Variants in CLSTN2 observed in about 807,000 individuals in gnomAD.
The protein encoded by CLSTN2 is calsyntenin-2.
CLSTN2 carries 48 observed loss-of-function variants against 101.2 expected under a neutral mutation model. That is an observed-to-expected ratio of 0.47 (90% confidence interval 0.38 to 0.60). The LOEUF (loss-of-function observed/expected upper bound fraction) is 0.60, where lower values mean the gene tolerates loss of function less well. CLSTN2 is among the 20% of genes least tolerant of loss of function. CLSTN2 has a pLI of 0.00. For missense variants in CLSTN2, 1,160 were observed against 1,238.2 expected, an observed-to-expected ratio of 0.94 and a Z score of 0.95; for synonymous variants, 481 against 463.6, an observed-to-expected ratio of 1.04 and a Z score of -0.48.
chr3:139,958,458 C>T (rs747659039), intron 1 of CLSTN2, among the ~76,000 whole-genome samples: 8 of 152,142 alleles, frequency 5.3e-5, no homozygotes, highest in Non-Finnish European at 8.8e-5. Context: ...GCACACCATG[C>T]ATTTCTGTAC....
intron 9 of CLSTN2, among the ~76,000 whole-genome samples, chr3:140,536,001 G>GT (rs1266813117): frequency 7.3e-6 from 1 of 136,498 alleles, no homozygotes; most frequent in Non-Finnish European, 1.6e-5. Flanking sequence ...AGAATGCTGC[G>GT]TTCCCCTTAC....
At chr3:140,393,858 C>G (rs947425851) in intron 2 of CLSTN2, among the ~76,000 whole-genome samples, 2 of 152,154 alleles carry the variant, frequency 1.3e-5, no homozygotes, top group African/African-American at 4.8e-5. Context: ...TTAAAATGCT[C>G]TCTTGGCAAA....
At position 140,137,160 on chromosome 3, in the gene CLSTN2, G is replaced by A. The variant is rs192480564; in HGVS notation, c.110-38791G>A. Among the ~76,000 whole-genome samples the A allele has an allele frequency of 1.4e-4, 22 of 152,280 alleles. No individual in the cohort carries two copies. In the East Asian group the frequency reaches 4.1e-3, roughly 28 times the overall value. On this transcript the variant is annotated intron_variant, in intron 1 of 16. Transcript: ENST00000458420. ...TGGTGAGGGATACTCCTGTTATCAG[G>A]AACAAAGAGAATTCTATCTTTCTCC...
intron 8 of CLSTN2, among the ~76,000 whole-genome samples, chr3:140,504,172 G>A (rs565136385): frequency 3.3e-5 from 5 of 152,268 alleles, no homozygotes; most frequent in East Asian, 1.9e-4. Flanking sequence ...GGAGCAGGGC[G>A]CCTGATACAT....
chr3:140,014,337 A>G (rs1232688555), intron 1 of CLSTN2, among the ~76,000 whole-genome samples: 1 of 151,738 alleles, frequency 6.6e-6, no homozygotes, highest in Non-Finnish European at 1.5e-5. Context: ...TATGCCTCAG[A>G]CTCTCCAGAA....
At chr3:139,971,348 T>C (rs1044976762) in intron 1 of CLSTN2, among the ~76,000 whole-genome samples, 1 of 152,232 alleles carries the variant, frequency 6.6e-6, no homozygotes, top group Non-Finnish European at 1.5e-5. Context: ...AGCCTGAGGC[T>C]GTTGTTTCAT....
chr3:140,454,186 T>G (rs1481727273), intron 6 of CLSTN2: 1 of 152,232 alleles, frequency 6.6e-6, no homozygotes, highest in Non-Finnish European at 1.5e-5. Flanking sequence ...TTTCTTATGC[T>G]TATTTCTTGC....
At chr3:140,130,283 C>G (rs529803794) in intron 1 of CLSTN2, among the ~76,000 whole-genome samples, 1 of 152,136 alleles carries the variant, frequency 6.6e-6, no homozygotes, top group Non-Finnish European at 1.5e-5. Context: ...TCAGTGGTGG[C>G]AAAAATTACA....
At chr3:140,075,832 G>T (rs550691116) in intron 1 of CLSTN2, among the ~76,000 whole-genome samples, 22 of 152,164 alleles carry the variant, frequency 1.4e-4, no homozygotes, top group African/African-American at 4.8e-4. Context: ...CGGAGGGACA[G>T]GAGGGGCCGT....
At position 140,568,580 on chromosome 3, in the gene CLSTN2, G is replaced by T. The variant is rs1985399820; in HGVS notation, c.*2327G>T. The T allele has an allele frequency of 1.3e-5, 2 of 152,168 alleles. No homozygotes were observed. The highest frequency in any genetic ancestry group is 4.8e-5 in the African/African-American group (2 of 41,442). 9.4% of individuals were successfully genotyped at this position (152,168 alleles called of 1,614,324 possible). On this transcript the variant is annotated 3_prime_UTR_variant, in exon 17 of 17. Coordinates refer to ENST00000458420, the MANE Select transcript of CLSTN2 (RefSeq NM_022131.3). ...TTAAATAAAAAAAAGATCTTTAGTT[G>T]GGCATTTAGGAGCAACTGAATTCTC...
intron 8 of CLSTN2, among the ~76,000 whole-genome samples, chr3:140,474,865 C>T (rs935750078): frequency 2.0e-5 from 3 of 152,114 alleles, no homozygotes; most frequent in African/African-American, 7.2e-5. Flanking sequence ...CACCCCTCAC[C>T]CAAAGGGGTG....
rs57111372 is a variant in CLSTN2 at position 140,306,848 on chromosome 3, TTTATTA to T, written c.233-96751_233-96746del. Among the ~76,000 whole-genome samples, 326 of 141,946 alleles carry T rather than the reference TTTATTA, an allele frequency of 2.3e-3. 3 individuals carry two copies. The highest frequency in any genetic ancestry group is 7.2e-3 in the East Asian group (35 of 4,866). 93.1% of individuals were successfully genotyped at this position (141,946 alleles called of 152,430 possible). ...GTGTTCTGGGATCCATTTTTGTCTT[TTTATTA>T]TTATTATTATTATTATTATTATTAT... On this transcript the variant is annotated intron_variant, in intron 2 of 16. Coordinates refer to ENST00000458420, the MANE Select transcript of CLSTN2 (RefSeq NM_022131.3).
chr3:140,523,560 A>C (rs1048612729), intron 8 of CLSTN2, among the ~76,000 whole-genome samples: 5 of 152,218 alleles, frequency 3.3e-5, no homozygotes, highest in Admixed American at 3.3e-4. Context: ...CAGGCTGAAA[A>C]TATGTGCTAA....
At chr3:140,541,199 C>G (rs1935468995) in intron 9 of CLSTN2, among the ~76,000 whole-genome samples, 1 of 152,240 alleles carries the variant, frequency 6.6e-6, no homozygotes, top group African/African-American at 2.4e-5. Flanking sequence ...CTTGGCTTCA[C>G]TCACTTCTGG....
rs1001747498 is a variant in CLSTN2 at position 140,464,978 on chromosome 3, C to G, written c.1223-1632C>G. 5.3e-5 allele frequency among the ~76,000 whole-genome samples: 8 copies of G among 152,170 alleles called. 1 individual carries two copies. Among genetic ancestry groups the G allele is most frequent in the Non-Finnish European group, 4.4e-5 (3 of 68,016 alleles). ...TCGTTGTGTTGCCCTGGTCATGAGG[C>G]AGTGTGATAGTCCTTCTAATAAGTA... On this transcript the variant is annotated intron_variant, in intron 7 of 16. Coordinates refer to ENST00000458420, the MANE Select transcript of CLSTN2 (RefSeq NM_022131.3).
At position 140,154,688 on chromosome 3, in the gene CLSTN2, A is replaced by G. The variant is rs1394821039; in HGVS notation, c.110-21263A>G. On this transcript the variant is annotated intron_variant, in intron 1 of 16. Transcript: ENST00000458420. ...GAGACGGAGTCTTGCTCTGTCGCCCAGGCTGGAGTGCAGTGGCCCGATCTC... is the reference window on the plus strand; with the variant it reads ...GAGACGGAGTCTTGCTCTGTCGCCCGGGCTGGAGTGCAGTGGCCCGATCTC... Among the ~76,000 whole-genome samples, 3 of 114,238 alleles carry G rather than the reference A, an allele frequency of 2.6e-5. No individual in the cohort carries two copies. The East Asian group carries it at 8.7e-4, about 33-fold the overall frequency. The allele number at this position is 114,238 out of a possible 152,430, so 74.9% of individuals were successfully genotyped here.
intron 2 of CLSTN2, among the ~76,000 whole-genome samples, chr3:140,323,004 A>G (rs1215885914): frequency 1.3e-5 from 2 of 152,214 alleles, no homozygotes; most frequent in Non-Finnish European, 2.9e-5. Context: ...AGTTATTACA[A>G]CCATAAATAT....
At chr3:140,013,732 T>TAA (rs147431005) in intron 1 of CLSTN2, among the ~76,000 whole-genome samples, 1 of 148,578 alleles carries the variant, frequency 6.7e-6, no homozygotes. Context: ...AAACCATAAC[T>TAA]AAAAAAAAAA....
intron 2 of CLSTN2, among the ~76,000 whole-genome samples, chr3:140,273,006 A>G (rs115183234): frequency 6.6e-6 from 1 of 152,126 alleles, no homozygotes; most frequent in African/African-American, 2.4e-5. Flanking sequence ...ATCATTTGAT[A>G]TATTCAGAGT....
Sources: gnomAD v4.1 joint callset for allele counts (sites outside exome capture counted in the v4.1 genomes callset) on GRCh38, gnomAD v4.1.1 for gene constraint, MANE v1.5 for transcripts, NCBI Gene and HGNC (gene_info 2026-07-23, HGNC 2026-07-21) for gene names.